The following RBFOX1 variants were observed in gnomAD, a reference collection of about 807,000 sequenced individuals.
RBFOX1 encodes the protein RNA binding fox-1 homolog 1.
Under a neutral mutation model 57.7 loss-of-function variants are expected in RBFOX1, and 8 were observed. The observed-to-expected ratio is 0.14, with a 90% CI of 0.08 to 0.25. The LOEUF (loss-of-function observed/expected upper bound fraction) is 0.25, where lower values mean the gene tolerates loss of function less well. Ranked by LOEUF, RBFOX1 falls within the 10% of genes least tolerant of loss-of-function variation. The pLI is 1.00. For missense variants in RBFOX1, 611 were observed against 548.5 expected, an observed-to-expected ratio of 1.11 and a Z score of -1.14; for synonymous variants, 326 against 222.4, an observed-to-expected ratio of 1.47 and a Z score of -4.15.
chr16:6,513,779 G>A (rs1172977202), intron 2 of RBFOX1, among the ~76,000 whole-genome samples: 3 of 152,178 alleles, frequency 2.0e-5, no homozygotes, highest in South Asian at 4.2e-4. Flanking sequence ...TGGAAACCAT[G>A]ACATCATTGT....
chr16:5,952,389 G>A (rs1479347084), intron 4 of RBFOX1, among the ~76,000 whole-genome samples: 2 of 152,040 alleles, frequency 1.3e-5, no homozygotes, highest in Non-Finnish European at 2.9e-5. Context: ...GACCTCAAGC[G>A]ATCTGTCCAC....
At position 7,492,899 on chromosome 16, in the gene RBFOX1, C is replaced by G. The variant is rs545929787; in HGVS notation, c.28-25248C>G. ...GGCACCAACCATGAGCTAATTAAGC[C>G]TCTCTTTTTTGAGACGTCCCCCAGG... On this transcript the variant is annotated intron_variant, in intron 4 of 15. Transcript: ENST00000550418. 2.0e-5 allele frequency among the ~76,000 whole-genome samples: 3 copies of G among 152,138 alleles called. No individual in the cohort carries two copies. In the East Asian group the frequency reaches 5.8e-4, roughly 30 times the overall value.
At chr16:6,737,474 C>G (rs1307941308) in intron 3 of RBFOX1, among the ~76,000 whole-genome samples, 1 of 152,164 alleles carries the variant, frequency 6.6e-6, no homozygotes, top group African/African-American at 2.4e-5. Flanking sequence ...CATGTTACTC[C>G]TTGTCCAGTT....
At chr16:7,465,192 C>T (rs529086422) in intron 4 of RBFOX1, among the ~76,000 whole-genome samples, 1 of 152,264 alleles carries the variant, frequency 6.6e-6, no homozygotes, top group East Asian at 1.9e-4. Flanking sequence ...CTTTACAAAC[C>T]TAGCTCAATC....
intron 1 of RBFOX1, among the ~76,000 whole-genome samples, chr16:5,275,957 A>G (rs2063130560): frequency 6.6e-6 from 1 of 152,252 alleles, no homozygotes. Flanking sequence ...TTCAACAAAT[A>G]GTGCTGGGAT....
intron 4 of RBFOX1, among the ~76,000 whole-genome samples, chr16:7,149,459 C>T (rs12447219): frequency 0.091 from 13,197 of 145,658 alleles, 686 homozygotes; most frequent in Middle Eastern, 0.12. Flanking sequence ...TCCTGTGGCT[C>T]TTTCTTTTTC....
intron 1 of RBFOX1, among the ~76,000 whole-genome samples, chr16:6,209,672 G>C (rs1241093913): frequency 1.3e-5 from 2 of 152,220 alleles, no homozygotes; most frequent in Non-Finnish European, 1.5e-5. Flanking sequence ...TAGCAGGAAA[G>C]CTAAGCACAG....
At chr16:5,412,561 G>C (rs2067049609) in intron 1 of RBFOX1, among the ~76,000 whole-genome samples, 1 of 152,182 alleles carries the variant, frequency 6.6e-6, no homozygotes, top group Admixed American at 6.5e-5. Context: ...ATTACAGTGG[G>C]ATGGGCGTGA....
At chr16:7,681,338 A>C (rs549508852) in intron 14 of RBFOX1, among the ~76,000 whole-genome samples, 6 of 152,284 alleles carry the variant, frequency 3.9e-5, no homozygotes, top group South Asian at 4.1e-4. Context: ...CTAATATTTC[A>C]TCATAAGCTA....
intron 2 of RBFOX1, among the ~76,000 whole-genome samples, chr16:6,398,763 T>C (rs1401401890): frequency 6.6e-6 from 1 of 152,192 alleles, no homozygotes; most frequent in African/African-American, 2.4e-5. Context: ...GCATTGAGTG[T>C]CTGCAGCTTT....
intron 4 of RBFOX1, among the ~76,000 whole-genome samples, chr16:7,504,750 T>G (rs1600243986): frequency 1.5e-4 from 1 of 6,580 alleles, no homozygotes; most frequent in Non-Finnish European, 6.9e-4. Flanking sequence ...TATATATATA[T>G]ATATTTATAT....
chr16:5,623,212 G>A (rs1392311780), intron 3 of RBFOX1, among the ~76,000 whole-genome samples: 2 of 152,180 alleles, frequency 1.3e-5, no homozygotes, highest in African/African-American at 4.8e-5. Context: ...CCTGAGAAGA[G>A]AAGGGGTGTG....
chr16:6,765,022 A>G (rs1283745656), intron 3 of RBFOX1, among the ~76,000 whole-genome samples: 1 of 150,340 alleles, frequency 6.7e-6, no homozygotes, highest in Admixed American at 6.6e-5. Context: ...TAAGGTTTTC[A>G]GAAAAAAAAA....
chr16:7,039,647 C>G (rs1234515732), intron 3 of RBFOX1, among the ~76,000 whole-genome samples: 1 of 152,068 alleles, frequency 6.6e-6, no homozygotes, highest in Non-Finnish European at 1.5e-5. Flanking sequence ...TCTGTATTTG[C>G]TTATCTGACA....
At chr16:6,958,790 C>T (rs148792262) in intron 3 of RBFOX1, among the ~76,000 whole-genome samples, 458 of 152,086 alleles carry the variant, frequency 3.0e-3, no homozygotes, top group Middle Eastern at 6.8e-3. Flanking sequence ...GAAAATGAGG[C>T]GTGAATTGGA....
intron 1 of RBFOX1, among the ~76,000 whole-genome samples, chr16:5,344,247 C>T (rs950158561): frequency 2.0e-5 from 3 of 152,176 alleles, no homozygotes; most frequent in African/African-American, 4.8e-5. Flanking sequence ...GGTTCTCTCC[C>T]ATGTCCTGCA....
chr16:5,789,457 A>C (rs112067090), intron 3 of RBFOX1, among the ~76,000 whole-genome samples: 1 of 152,108 alleles, frequency 6.6e-6, no homozygotes, highest in East Asian at 1.9e-4. Context: ...GAGAGTGTGC[A>C]TGGGCATGTA....
At chr16:7,353,671 G>T (rs1360933671) in intron 4 of RBFOX1, among the ~76,000 whole-genome samples, 1 of 152,188 alleles carries the variant, frequency 6.6e-6, no homozygotes, top group Non-Finnish European at 1.5e-5. Context: ...GATGAACCTT[G>T]AGAATGTTGT....
At chr16:6,138,551 G>C (rs1429590120) in intron 1 of RBFOX1, among the ~76,000 whole-genome samples, 1 of 152,144 alleles carries the variant, frequency 6.6e-6, no homozygotes, top group East Asian at 1.9e-4. Flanking sequence ...AATCTGCTGG[G>C]AAGATGGAAT....
Sources: gnomAD v4.1 joint callset for allele counts (sites outside exome capture counted in the v4.1 genomes callset) on GRCh38, gnomAD v4.1.1 for gene constraint, MANE v1.5 for transcripts, NCBI Gene and HGNC (gene_info 2026-07-23, HGNC 2026-07-21) for gene names.